Variants in NLN observed in about 807,000 individuals in gnomAD.
NLN encodes the protein neurolysin, mitochondrial.
In NLN, 64 loss-of-function variants were observed where a neutral mutation model predicts 79.9. The observed-to-expected ratio is 0.80, with a 90% CI of 0.65 to 0.99. NLN has a LOEUF of 0.99. Ranked by LOEUF, NLN falls within the 50% of genes least tolerant of loss-of-function variation. The probability of loss-of-function intolerance (pLI) is 0.00; values close to 1 mark genes in which losing one functional copy is unlikely to be tolerated. For synonymous variants in NLN, 267 were observed against 296.6 expected, an observed-to-expected ratio of 0.90 and a Z score of 1.02; for missense variants, 835 against 858.7, an observed-to-expected ratio of 0.97 and a Z score of 0.34.
At chr5:65,809,341 A>G in intron 9 of NLN, 174 bp from the exon 10 acceptor site, 2 of 552,084 alleles carry the variant, frequency 3.6e-6, no homozygotes, top group South Asian at 2.7e-5. Context: ...TGTTTTTCAC[A>G]CTGTTCAGCT....
chr5:65,782,035 T>G (rs1759812638), intron 6 of NLN, among the ~76,000 whole-genome samples: 1 of 152,162 alleles, frequency 6.6e-6, no homozygotes, highest in Non-Finnish European at 1.5e-5. Flanking sequence ...AAAAGTCCCA[T>G]TTGGAAAAAG....
chr5:65,755,957 C>T (rs563821459), intron 1 of NLN, among the ~76,000 whole-genome samples: 3 of 152,288 alleles, frequency 2.0e-5, no homozygotes, highest in African/African-American at 7.2e-5. Flanking sequence ...TCACCTCTTC[C>T]TTATTCCTCC....
chr5:65,779,976 C>T, intron 4 of NLN: 1 of 410,010 alleles, frequency 2.4e-6, no homozygotes, highest in Admixed American at 4.7e-5. Flanking sequence ...TAAGCACACA[C>T]CACCACATCC....
chr5:65,738,941 T>TA (rs1417203297), intron 1 of NLN, among the ~76,000 whole-genome samples: 4,797 of 107,262 alleles, frequency 0.045, 517 homozygotes, highest in Non-Finnish European at 0.061. Context: ...TATATATTTT[T>TA]TATATATGTT....
At chr5:65,796,475 G>A (rs1760176696) in intron 9 of NLN, among the ~76,000 whole-genome samples, 1 of 152,204 alleles carries the variant, frequency 6.6e-6, no homozygotes, top group African/African-American at 2.4e-5. Flanking sequence ...TCTTGAAACA[G>A]TAGACATATT....
In NLN at chr5:65,733,521, G is replaced by A. The variant is rs1295722264; in HGVS notation, c.41+11107G>A. 8 of 1,430,672 alleles carry A rather than the reference G, an allele frequency of 5.6e-6. 2 individuals are homozygous for A. The highest frequency in any genetic ancestry group is 1.5e-5 in the African/African-American group (1 of 65,526). The allele number at this position is 1,430,672 out of a possible 1,614,324, so 88.6% of individuals were successfully genotyped here. ...GGGTCATGCCAATTGGGAGATCCTT[G>A]CCCCAATTCGGGCTGAGCTGATGTG... On this transcript the variant is annotated intron_variant, in intron 1 of 12. Coordinates refer to ENST00000380985, the MANE Select transcript of NLN (RefSeq NM_020726.5).
rs1443110779 is a variant in NLN at position 65,734,148 on chromosome 5, C to T, written c.41+11734C>T. On this transcript the variant is annotated intron_variant, in intron 1 of 12. Transcript: ENST00000380985. ...TCCTGACCTCGTGATCCACCCGCCT[C>T]GGCCTCCCAAAGTGTAATTTTTGTA... is the stretch of plus-strand genomic sequence containing the variant. Among the ~76,000 whole-genome samples the T allele has an allele frequency of 8.6e-5, 12 of 139,114 alleles. No individual in the cohort carries two copies. The South Asian group carries it at 1.6e-3, about 18-fold the overall frequency. The allele number at this position is 139,114 out of a possible 152,430, so 91.3% of individuals were successfully genotyped here.
chr5:65,816,926 G>T (rs536856735), intron 12 of NLN, among the ~76,000 whole-genome samples: 40 of 152,106 alleles, frequency 2.6e-4, no homozygotes, highest in Non-Finnish European at 4.9e-4. Context: ...CACTAGAGAG[G>T]CTGGGAGCTA....
intron 1 of NLN, among the ~76,000 whole-genome samples, chr5:65,757,926 A>G (rs2591930): frequency 0.21 from 32,139 of 152,068 alleles, 3,540 homozygotes; most frequent in Non-Finnish European, 0.25. Flanking sequence ...TAGCATTGGA[A>G]AAATATTAAA....
chr5:65,762,721 AC>A (rs1759364814), intron 2 of NLN, among the ~76,000 whole-genome samples: 1 of 151,106 alleles, frequency 6.6e-6, no homozygotes, highest in African/African-American at 2.4e-5. Context: ...AAAAAATTGT[AC>A]CCCAGTATAC....
intron 1 of NLN, among the ~76,000 whole-genome samples, chr5:65,743,621 T>C (rs1758913792): frequency 6.6e-6 from 1 of 152,210 alleles, no homozygotes; most frequent in Admixed American, 6.5e-5. Flanking sequence ...ATGTGCAGAA[T>C]GAGAGATGGA....
chr5:65,797,983 G>C (rs1355072542), intron 9 of NLN, among the ~76,000 whole-genome samples: 1 of 152,198 alleles, frequency 6.6e-6, no homozygotes, highest in Non-Finnish European at 1.5e-5. Context: ...GCAGCTTGGA[G>C]TATTGGGAGT....
intron 1 of NLN, 115 bp from the exon 2 acceptor site, chr5:65,758,452 G>A: frequency 2.9e-6 from 2 of 691,906 alleles, no homozygotes; most frequent in Non-Finnish European, 4.6e-6. Flanking sequence ...GTATTTGCTT[G>A]TTTTTTTAAA....
At chr5:65,756,285 C>G (rs1273817093) in intron 1 of NLN, among the ~76,000 whole-genome samples, 1 of 152,102 alleles carries the variant, frequency 6.6e-6, no homozygotes, top group East Asian at 1.9e-4. Flanking sequence ...GTAGCCACTT[C>G]AAACTTGGCA....
chr5:65,747,214 G>T (rs368530367), intron 1 of NLN, among the ~76,000 whole-genome samples: 2 of 152,158 alleles, frequency 1.3e-5, no homozygotes, highest in East Asian at 1.9e-4. Flanking sequence ...CTGTGTGATG[G>T]CTTTAGTAAT....
intron 1 of NLN, among the ~76,000 whole-genome samples, chr5:65,755,822 C>T (rs950875850): frequency 1.3e-5 from 2 of 152,114 alleles, no homozygotes; most frequent in African/African-American, 2.4e-5. Context: ...GTATTTAGGT[C>T]TCTCCTGTGT....
intron 3 of NLN, among the ~76,000 whole-genome samples, chr5:65,771,100 T>G (rs1759556784): frequency 1.3e-5 from 2 of 152,286 alleles, no homozygotes; most frequent in South Asian, 4.1e-4. Flanking sequence ...ATATATATAG[T>G]TATATCCATT....
intron 1 of NLN, among the ~76,000 whole-genome samples, chr5:65,724,982 T>C (rs1278227390): frequency 1.3e-5 from 2 of 151,770 alleles, no homozygotes; most frequent in Admixed American, 6.6e-5. Context: ...TTTTTTTTTA[T>C]TTTTAGTAGA....
rs187394203 is a variant in NLN, at chr5:65,735,101, A to C, written c.41+12687A>C. Among the ~76,000 whole-genome samples, 249 of 152,228 alleles carry C rather than the reference A, an allele frequency of 1.6e-3. 1 individual carries two copies. The highest frequency in any genetic ancestry group is 3.4e-3 in the Middle Eastern group (1 of 294). ...CCCCCATGCTGTTCTCATGATACTGAGTTCTCACAAGATCTGATGGTTTTA... is the reference window on the plus strand; with the variant it reads ...CCCCCATGCTGTTCTCATGATACTGCGTTCTCACAAGATCTGATGGTTTTA... On this transcript the variant is annotated intron_variant, in intron 1 of 12. Coordinates refer to ENST00000380985, the MANE Select transcript of NLN (RefSeq NM_020726.5).
Sources: allele counts gnomAD v4.1 joint callset (sites outside exome capture counted in the v4.1 genomes callset), GRCh38; gene constraint gnomAD v4.1.1; transcripts MANE v1.5; gene names NCBI Gene and HGNC (gene_info 2026-07-23, HGNC 2026-07-21).